The following SPATA6L variants were observed in gnomAD, a reference collection of about 807,000 sequenced individuals.
SPATA6L encodes the protein spermatogenesis associated 6 like, also known as spermatogenesis associated 6-like protein.
In SPATA6L, 68 loss-of-function variants were observed where a neutral mutation model predicts 49.2. The observed-to-expected ratio is 1.38, with a 90% CI of 1.14 to 1.69. The LOEUF (loss-of-function observed/expected upper bound fraction) is 1.69, where lower values mean the gene tolerates loss of function less well. SPATA6L is among the 40% of genes most tolerant of loss of function. The pLI is 0.00. For missense variants in SPATA6L, 668 were observed against 464.3 expected (o/e 1.44, Z -4.03); for synonymous variants, 198 against 165.7 (o/e 1.19, Z -1.50).
Position 4,619,155 on chromosome 9 carries a change from C to CTTT in SPATA6L, c.773-260_773-258dup, listed in dbSNP as rs57028759. 7.2e-4 allele frequency among the ~76,000 whole-genome samples: 85 copies of CTTT among 118,146 alleles called. 2 individuals are homozygous for CTTT. The highest frequency in any genetic ancestry group is 1.2e-3 in the African/African-American group (35 of 29,130). 77.5% of individuals were successfully genotyped at this position (118,146 alleles called of 152,430 possible). A position where few individuals can be genotyped will look rare whatever the true frequency, so the allele number is the denominator to read the frequency against. On this transcript the variant is annotated intron_variant, in intron 7 of 11. Coordinates refer to ENST00000682582, the MANE Select transcript of SPATA6L (RefSeq NM_001353486.2). ...TTTGAGGTCAACAGTCAGGTTTTCT[C>CTTT]TTTTTTTTTTTTTTTTTTTTGAGAT...
At chr9:4,595,359 A>G (rs749962481), downstream of SPATA6L, among the ~76,000 whole-genome samples, 4 of 152,028 alleles carry the variant, frequency 2.6e-5, no homozygotes, top group Non-Finnish European at 5.9e-5. Flanking sequence ...TTGAGGTTCT[A>G]TTGCCCTAAT....
intron 11 of SPATA6L, among the ~76,000 whole-genome samples, chr9:4,602,224 G>A: frequency 6.6e-6 from 1 of 151,556 alleles, no homozygotes; most frequent in East Asian, 1.9e-4. Context: ...TATGTAACTT[G>A]ATATTACCCA....
intron 2 of SPATA6L, among the ~76,000 whole-genome samples, chr9:4,656,523 A>G (rs1220329726): frequency 6.6e-6 from 1 of 152,130 alleles, no homozygotes; most frequent in South Asian, 2.1e-4. Flanking sequence ...CGTAAATTAT[A>G]TTCTTCCAAG....
At position 4,619,718 on chromosome 9, in the gene SPATA6L, C is replaced by G. The variant is rs188575865; in HGVS notation, c.773-820G>C. ...AGACACAAATGTTAAATTGAGACAA[C>G]AAATATGTAAAAGCTTGGAGAAATA... is the stretch of plus-strand genomic sequence containing the variant. On this transcript the variant is annotated intron_variant, in intron 7 of 11. Transcript: ENST00000682582. Among the ~76,000 whole-genome samples, 71 of 151,992 alleles carry G rather than the reference C, an allele frequency of 4.7e-4. No homozygotes were observed. In the East Asian group the frequency reaches 0.013, roughly 28 times the overall value.
downstream of SPATA6L, among the ~76,000 whole-genome samples, chr9:4,596,016 C>CCT (rs2129963384): frequency 6.6e-6 from 1 of 152,288 alleles, no homozygotes; most frequent in Non-Finnish European, 1.5e-5. Context: ...ACTCCAGCTC[C>CCT]CATCACTCAC....
intron 10 of SPATA6L, 45 bp downstream of exon 10, chr9:4,605,302 A>T (rs994300587): frequency 6.9e-7 from 1 of 1,439,996 alleles, no homozygotes; most frequent in African/African-American, 1.4e-5. Flanking sequence ...CCCTGTTCAC[A>T]TATTATTTAG....
At chr9:4,654,470 T>C (rs1837637625) in intron 3 of SPATA6L, among the ~76,000 whole-genome samples, 1 of 152,200 alleles carries the variant, frequency 6.6e-6, no homozygotes, top group African/African-American at 2.4e-5. Context: ...TTTTACAGTT[T>C]GCCGTCTATA....
intron 3 of SPATA6L, among the ~76,000 whole-genome samples, chr9:4,655,541 TTTGTTTTTTTG>T (rs1837936318): frequency 6.6e-6 from 1 of 150,642 alleles, no homozygotes; most frequent in African/African-American, 2.5e-5. Flanking sequence ...ATTTAGTTTT[TTTGTTTTTTTG>T]TTGTTTTTTT....
chr9:4,631,264 T>C (rs1831480021), intron 4 of SPATA6L, among the ~76,000 whole-genome samples: 1 of 152,182 alleles, frequency 6.6e-6, no homozygotes, highest in Admixed American at 6.5e-5. Flanking sequence ...GGTTGGTCAA[T>C]AAAAGGATTT....
chr9:4,623,276 G>A (rs555611115), intron 6 of SPATA6L, among the ~76,000 whole-genome samples: 10 of 151,824 alleles, frequency 6.6e-5, no homozygotes, highest in South Asian at 2.1e-4. Context: ...GTGAAACTCC[G>A]TCTCAAAAAA....
chr9:4,603,434 AC>A (rs1198568252), intron 11 of SPATA6L, among the ~76,000 whole-genome samples: 1 of 152,164 alleles, frequency 6.6e-6, no homozygotes, highest in Non-Finnish European at 1.5e-5. Flanking sequence ...CAAAACAAAA[AC>A]AAAAACAAAA....
chr9:4,654,314 T>G (rs574931676), intron 3 of SPATA6L, among the ~76,000 whole-genome samples: 1 of 152,292 alleles, frequency 6.6e-6, no homozygotes, highest in Non-Finnish European at 1.5e-5. Flanking sequence ...TCTCAGGACG[T>G]GCGATGGGGG....
At position 4,625,238 on chromosome 9, in the gene SPATA6L, T is replaced by C. The variant is rs549732544; in HGVS notation, c.669+89A>G. ...GTACCTTTTTATTGAATATTATTCA[T>C]TTGTTGTTATAACTCAACCTTCCTT... On this transcript the variant is annotated intron_variant, in intron 6 of 11. Transcript: ENST00000682582. 17 of 1,495,678 alleles carry C rather than the reference T, an allele frequency of 1.1e-5. No individual in the cohort carries two copies. In the East Asian group the frequency reaches 3.0e-4, roughly 27 times the overall value. The allele number at this position is 1,495,678 out of a possible 1,614,324, so 92.7% of individuals were successfully genotyped here.
chr9:4,643,564 A>G (rs1297247611), intron 3 of SPATA6L, among the ~76,000 whole-genome samples: 2 of 152,262 alleles, frequency 1.3e-5, no homozygotes, highest in Non-Finnish European at 2.9e-5. Context: ...ACCACTATGG[A>G]AAAATACACA....
In SPATA6L at chr9:4,605,297, T is replaced by A. The variant is rs896912310; in HGVS notation, c.1089+50A>T. 5 of 1,401,842 alleles carry A rather than the reference T, an allele frequency of 3.6e-6. No homozygotes were observed. In the African/African-American group the frequency reaches 5.6e-5, roughly 16 times the overall value. 86.8% of individuals were successfully genotyped at this position (1,401,842 alleles called of 1,614,324 possible). On this transcript the variant is annotated intron_variant, in intron 10 of 11. Coordinates refer to ENST00000682582, the MANE Select transcript of SPATA6L (RefSeq NM_001353486.2). ...TCCCCGACTAGACTGTAGGTCCCTG[T>A]TCACATATTATTTAGTGAGCAAAGA... is the stretch of plus-strand genomic sequence containing the variant.
In SPATA6L at chr9:4,662,209, T is replaced by A. The variant is rs1839962348; in HGVS notation, c.40-173A>T. ...ATCCTCCCCTCTGCTCTCCTCACAT[T>A]GGAAATTCCAACTCCCTCCCACGTC... On this transcript the variant is annotated intron_variant, in intron 1 of 11. Transcript: ENST00000682582. This position sits in a 1 kb window ranked among gnomAD's most constrained non-coding sequence, Gnocchi z 4.9. The A allele has an allele frequency of 7.0e-7, 1 of 1,435,646 alleles. No individual in the cohort carries two copies. The highest frequency in any genetic ancestry group is 9.1e-7 in the Non-Finnish European group (1 of 1,099,414). 88.9% of individuals were successfully genotyped at this position (1,435,646 alleles called of 1,614,324 possible). A position where few individuals can be genotyped will look rare whatever the true frequency, so the allele number is the denominator to read the frequency against.
At chr9:4,591,536 C>T (rs1211516575) in intron 13 of SPATA6L, among the ~76,000 whole-genome samples, 1 of 152,198 alleles carries the variant, frequency 6.6e-6, no homozygotes, top group Non-Finnish European at 1.5e-5. Flanking sequence ...ACTGGCTGAT[C>T]CATCCTCAAC....
chr9:4,639,576 T>C (rs1833590924), intron 3 of SPATA6L, among the ~76,000 whole-genome samples: 1 of 152,180 alleles, frequency 6.6e-6, no homozygotes, highest in African/African-American at 2.4e-5. Flanking sequence ...GTCAGCACAC[T>C]AAGAGGATGG....
intron 3 of SPATA6L, among the ~76,000 whole-genome samples, chr9:4,653,812 C>A (rs1386005473): frequency 1.3e-5 from 2 of 152,148 alleles, no homozygotes; most frequent in African/African-American, 4.8e-5. Context: ...TGCTGTGCGC[C>A]TATAGTCCCA....
Sources: allele counts gnomAD v4.1 joint callset (sites outside exome capture counted in the v4.1 genomes callset), GRCh38; gene constraint gnomAD v4.1.1; non-coding constraint Gnocchi (gnomAD v3.1); transcripts MANE v1.5; gene names NCBI Gene and HGNC (gene_info 2026-07-23, HGNC 2026-07-21).